The following SKP1 variants were observed in gnomAD, a reference collection of about 807,000 sequenced individuals.
SKP1 encodes S-phase kinase associated protein 1.
SKP1 carries 1 observed loss-of-function variant against 21.5 expected under a neutral mutation model. The ratio of observed to expected loss-of-function variants is 0.05; its 90% confidence interval spans 0.02 to 0.22. The LOEUF is 0.22. SKP1 is among the 10% of genes least tolerant of loss of function. SKP1 has a pLI of 1.00. For synonymous variants in SKP1, 59 were observed against 59.3 expected, an observed-to-expected ratio of 0.99 and a Z score of 0.03; for missense variants, 70 against 192.0, an observed-to-expected ratio of 0.36 and a Z score of 3.76.
chr5:134,165,097 G>A (rs1187755222), intron 3 of SKP1, among the ~76,000 whole-genome samples: 1 of 151,792 alleles, frequency 6.6e-6, no homozygotes, highest in Non-Finnish European at 1.5e-5. Context: ...GAAATTGGAA[G>A]TTACAGTTTA....
intron 2 of SKP1, chr5:134,171,188 A>G (rs1257875597): frequency 2.7e-6 from 1 of 363,854 alleles, no homozygotes; most frequent in East Asian, 7.8e-5. Context: ...CTTAGAAAAC[A>G]AAACAGAAGA....
chr5:134,171,442 A>C (rs1042328229), intron 2 of SKP1, among the ~76,000 whole-genome samples: 1 of 152,186 alleles, frequency 6.6e-6, no homozygotes, highest in South Asian at 2.1e-4. Flanking sequence ...TTCCAGAGTT[A>C]AACTCCCATA....
At chr5:134,169,423 T>C (rs891464354) in intron 2 of SKP1, among the ~76,000 whole-genome samples, 2 of 152,212 alleles carry the variant, frequency 1.3e-5, no homozygotes, top group African/African-American at 4.8e-5. Flanking sequence ...CCTGAACAAG[T>C]ATGAAATCTT....
intron 4 of SKP1, among the ~76,000 whole-genome samples, chr5:134,160,735 G>C (rs986119070): frequency 2.0e-5 from 3 of 152,074 alleles, no homozygotes; most frequent in African/African-American, 7.2e-5. Flanking sequence ...ACCTAGTTCT[G>C]TCTATATATT....
intron 4 of SKP1, among the ~76,000 whole-genome samples, chr5:134,160,077 C>A (rs1428175106): frequency 1.3e-5 from 2 of 151,826 alleles, no homozygotes; most frequent in Admixed American, 1.3e-4. Context: ...TGTTTTAGGC[C>A]AGGCGCGGTG....
Position 134,161,140 on chromosome 5 carries a change from C to G in SKP1, c.172-10G>C, listed in dbSNP as rs1299225745. 1.3e-6 allele frequency: 2 copies of G among 1,585,478 alleles called. No homozygotes were observed. The highest frequency in any genetic ancestry group is 2.7e-5 in the African/African-American group (2 of 74,122). ...TGCACCACTGAATGACCTACAACAA[C>G]AAAAGTTCATTCCTCTGTGGCACTT... On this transcript the variant is annotated splice_polypyrimidine_tract_variant and intron_variant, in intron 3 of 5. Transcript: ENST00000353411.
intron 3 of SKP1, among the ~76,000 whole-genome samples, chr5:134,162,749 T>A (rs2149374275): frequency 6.6e-6 from 1 of 152,176 alleles, no homozygotes; most frequent in African/African-American, 2.4e-5. Context: ...TAAGAAAATT[T>A]AAAAACGTCA....
chr5:134,151,687 G>C lies in SKP1; in HGVS notation c.*6046C>G, dbSNP rs10062695. The C allele has an allele frequency of 7.0e-3, 3,195 of 456,062 alleles. 92 individuals carry two copies. Among genetic ancestry groups the C allele is most frequent in the African/African-American group, 0.057 (2,877 of 50,146 alleles). The allele number at this position is 456,062 out of a possible 1,614,324, so 28.3% of individuals were successfully genotyped here. A position where few individuals can be genotyped will look rare whatever the true frequency, so the allele number is the denominator to read the frequency against. On this transcript the variant is annotated 3_prime_UTR_variant, in exon 6 of 6. Coordinates refer to ENST00000353411, the MANE Select transcript of SKP1 (RefSeq NM_170679.3). ...TAAAGTTGACAGATATCAGAAGGTC[G>C]CAAGAACTACAGATGTGGAAGCAGA...
intron 2 of SKP1, among the ~76,000 whole-genome samples, chr5:134,170,251 A>C (rs1761416434): frequency 6.6e-6 from 1 of 152,220 alleles, no homozygotes; most frequent in African/African-American, 2.4e-5. Flanking sequence ...TTGTAAAGAC[A>C]GGGTCCTGCT....
At chr5:134,173,115 C>T (rs1197935397) in intron 2 of SKP1, among the ~76,000 whole-genome samples, 3 of 151,880 alleles carry the variant, frequency 2.0e-5, no homozygotes, top group African/African-American at 7.3e-5. Flanking sequence ...GGCGGATCAC[C>T]TGAGGTCGGG....
At chr5:134,175,212 G>A (rs753175329) in intron 1 of SKP1, 16 of 152,274 alleles carry the variant, frequency 1.1e-4, no homozygotes, top group South Asian at 2.1e-4. Flanking sequence ...CAACCCCAAA[G>A]CAAACAGGTT....
Position 134,157,614 on chromosome 5 carries a change from T to C in SKP1, c.*119A>G. The C allele has an allele frequency of 1.1e-6, 1 of 884,654 alleles. No homozygotes were observed. The highest frequency in any genetic ancestry group is 1.7e-5 in the Admixed American group (1 of 57,862). The allele number at this position is 884,654 out of a possible 1,614,324, so 54.8% of individuals were successfully genotyped here. A position where few individuals can be genotyped will look rare whatever the true frequency, so the allele number is the denominator to read the frequency against. ...TGCAATGAGGACAATATTCTGCTAA[T>C]ACAATTGACTTGCTGCTGCATTTGT... On this transcript the variant is annotated 3_prime_UTR_variant, in exon 6 of 6. Coordinates refer to ENST00000353411, the MANE Select transcript of SKP1 (RefSeq NM_170679.3).
intron 1 of SKP1, chr5:134,174,472 G>T (rs1052917395): frequency 1.5e-5 from 15 of 994,116 alleles, no homozygotes; most frequent in Non-Finnish European, 1.8e-5. Flanking sequence ...CTGTGAAGAT[G>T]AGTTCAGATC....
intron 2 of SKP1, among the ~76,000 whole-genome samples, chr5:134,170,015 A>AG (rs1343046483): frequency 5.3e-5 from 8 of 151,562 alleles, no homozygotes; most frequent in Non-Finnish European, 1.5e-5. Flanking sequence ...AAAAAAAAAA[A>AG]AAAATTAGCT....
Position 134,152,340 on chromosome 5 carries a change from A to G in SKP1, c.*5393T>C, listed in dbSNP as rs1026846676. On this transcript the variant is annotated 3_prime_UTR_variant, in exon 6 of 6. Transcript: ENST00000353411. ...CTGCCCTAATTTCTCTTTAGTCTATATTCTCAGGGAAATGTACCAACACCC... is the reference window on the plus strand; with the variant it reads ...CTGCCCTAATTTCTCTTTAGTCTATGTTCTCAGGGAAATGTACCAACACCC... The G allele has an allele frequency of 6.6e-6, 1 of 152,206 alleles. No individual in the cohort carries two copies. Among genetic ancestry groups the G allele is most frequent in the African/African-American group, 2.4e-5 (1 of 41,414 alleles). The allele number at this position is 152,206 out of a possible 1,614,324, so 9.4% of individuals were successfully genotyped here. A position where few individuals can be genotyped will look rare whatever the true frequency, so the allele number is the denominator to read the frequency against.
intron 5 of SKP1, 162 bp from the exon 6 acceptor site, chr5:134,157,930 CT>C: frequency 6.5e-7 from 1 of 1,539,128 alleles, no homozygotes; most frequent in Non-Finnish European, 8.7e-7. Flanking sequence ...GATTTCCTTT[CT>C]TTGCCTCCCA....
At chr5:134,158,191 G>A (rs1761153553) in intron 5 of SKP1, 2 of 1,399,636 alleles carry the variant, frequency 1.4e-6, no homozygotes, top group South Asian at 1.5e-5. Flanking sequence ...GAAAGTTGCA[G>A]GTGCCAAAAC....
intron 3 of SKP1, among the ~76,000 whole-genome samples, chr5:134,162,091 G>C (rs1027503094): frequency 6.6e-6 from 1 of 151,774 alleles, no homozygotes; most frequent in Non-Finnish European, 1.5e-5. Flanking sequence ...ATTTCAATAA[G>C]GAAAAGCCAA....
At chr5:134,157,841 G>T in intron 5 of SKP1, 73 bp from the exon 6 acceptor site, 2 of 1,611,590 alleles carry the variant, frequency 1.2e-6, no homozygotes, top group South Asian at 2.2e-5. Context: ...ACTACCTACT[G>T]ATTCATCGAT....
Sources: allele counts gnomAD v4.1 joint callset (sites outside exome capture counted in the v4.1 genomes callset), GRCh38; gene constraint gnomAD v4.1.1; transcripts MANE v1.5; gene names NCBI Gene and HGNC (gene_info 2026-07-23, HGNC 2026-07-21).